Variants in ROBO1 observed in about 807,000 individuals in gnomAD.
ROBO1 encodes the protein roundabout homolog 1.
In ROBO1, 149 loss-of-function variants were observed where a neutral mutation model predicts 195.9. The ratio of observed to expected loss-of-function variants is 0.76; its 90% CI spans 0.67 to 0.87. ROBO1 has a LOEUF of 0.87. Ranked by LOEUF, ROBO1 falls within the 40% of genes least tolerant of loss-of-function variation. ROBO1 has a pLI of 0.00. For missense variants in ROBO1, 1,933 were observed against 2,068.3 expected (o/e 0.93, Z 1.27); for synonymous variants, 816 against 733.2 (o/e 1.11, Z -1.82).
chr3:79,178,536 T>C (rs2081292053), intron 2 of ROBO1, among the ~76,000 whole-genome samples: 1 of 152,130 alleles, frequency 6.6e-6, no homozygotes, highest in African/African-American at 2.4e-5. Context: ...AAACCCACAG[T>C]GTCACAGATG....
At chr3:79,497,993 C>T (rs61669313) in intron 2 of ROBO1, among the ~76,000 whole-genome samples, 46,622 of 151,636 alleles carry the variant, frequency 0.31, 7,326 homozygotes, top group Non-Finnish European at 0.35. Context: ...TTATTTGCTT[C>T]GAATTTTTGC....
chr3:79,554,500 G>C (rs1245618114), intron 2 of ROBO1, among the ~76,000 whole-genome samples: 1 of 152,092 alleles, frequency 6.6e-6, no homozygotes, highest in Non-Finnish European at 1.5e-5. Flanking sequence ...GAAATGTACA[G>C]TAGGTGATCT....
chr3:79,094,452 C>T (rs974713088), intron 3 of ROBO1, among the ~76,000 whole-genome samples: 7 of 152,044 alleles, frequency 4.6e-5, no homozygotes, highest in African/African-American at 7.2e-5. Context: ...GATATGCAAA[C>T]AGAAAAGGAC....
chr3:79,691,086 G>A (rs866748641), intron 1 of ROBO1, among the ~76,000 whole-genome samples: 1 of 151,872 alleles, frequency 6.6e-6, no homozygotes, highest in Non-Finnish European at 1.5e-5. Flanking sequence ...ATCAAGTGCA[G>A]GATATAAACC....
chr3:78,665,831 A>T, intron 14 of ROBO1, among the ~76,000 whole-genome samples: 1 of 152,124 alleles, frequency 6.6e-6, no homozygotes, highest in East Asian at 1.9e-4. Context: ...TAAAAAAAAA[A>T]AGTCTTTGAT....
At chr3:78,789,313 T>C (rs1343522792) in intron 4 of ROBO1, among the ~76,000 whole-genome samples, 2 of 152,188 alleles carry the variant, frequency 1.3e-5, no homozygotes, top group Admixed American at 6.5e-5. Flanking sequence ...AAAGCATTAA[T>C]GTGGACCCGA....
chr3:78,906,419 A>G (rs1041414385), intron 4 of ROBO1, among the ~76,000 whole-genome samples: 1 of 152,120 alleles, frequency 6.6e-6, no homozygotes, highest in African/African-American at 2.4e-5. Flanking sequence ...TTTATGATGC[A>G]GCTTCTCTCC....
At chr3:79,475,402 T>C (rs1408407652) in intron 2 of ROBO1, among the ~76,000 whole-genome samples, 2 of 152,004 alleles carry the variant, frequency 1.3e-5, no homozygotes, top group Non-Finnish European at 2.9e-5. Flanking sequence ...GAATACTTTG[T>C]TTATTAAAGG....
chr3:79,187,538 C>T (rs2081462630), intron 2 of ROBO1, among the ~76,000 whole-genome samples: 1 of 151,992 alleles, frequency 6.6e-6, no homozygotes, highest in African/African-American at 2.4e-5. Context: ...TTGTCCAACA[C>T]TGAATAATTC....
At chr3:79,241,634 A>T (rs1576862369) in intron 2 of ROBO1, among the ~76,000 whole-genome samples, 1 of 151,416 alleles carries the variant, frequency 6.6e-6, no homozygotes, top group East Asian at 1.9e-4. Flanking sequence ...AACTCATCTT[A>T]CATAATAGAT....
chr3:78,969,544 T>A (rs554183139), intron 3 of ROBO1, among the ~76,000 whole-genome samples: 1 of 152,174 alleles, frequency 6.6e-6, no homozygotes, highest in Admixed American at 6.5e-5. Context: ...CTTAGTAGAA[T>A]CAAATAAATC....
chr3:78,869,444 T>G (rs2035407858), intron 4 of ROBO1, among the ~76,000 whole-genome samples: 1 of 152,092 alleles, frequency 6.6e-6, no homozygotes, highest in African/African-American at 2.4e-5. Context: ...CTCATCAACA[T>G]TTGGTCATTC....
intron 18 of ROBO1, among the ~76,000 whole-genome samples, chr3:78,654,884 T>A (rs1575850430): frequency 6.6e-6 from 1 of 152,098 alleles, no homozygotes; most frequent in Non-Finnish European, 1.5e-5. Context: ...ATATATAGAG[T>A]CATCACAGTG....
intron 3 of ROBO1, among the ~76,000 whole-genome samples, chr3:78,942,599 G>T (rs1410383639): frequency 6.6e-6 from 1 of 152,174 alleles, no homozygotes; most frequent in Non-Finnish European, 1.5e-5. Flanking sequence ...TATGAGACAT[G>T]AAGAATTTGG....
intron 2 of ROBO1, among the ~76,000 whole-genome samples, chr3:79,460,355 C>G (rs916563498): frequency 6.6e-6 from 1 of 152,174 alleles, no homozygotes; most frequent in African/African-American, 2.4e-5. Context: ...TATTACCTAT[C>G]TAACACACTT....
intron 1 of ROBO1, among the ~76,000 whole-genome samples, chr3:79,746,505 T>C (rs568389958): frequency 2.0e-5 from 3 of 152,184 alleles, no homozygotes; most frequent in South Asian, 4.1e-4. Flanking sequence ...AAGAGGTATT[T>C]TCAAAACAAA....
chr3:79,304,500 T>C (rs1314898867), intron 2 of ROBO1, among the ~76,000 whole-genome samples: 2 of 152,178 alleles, frequency 1.3e-5, no homozygotes, highest in African/African-American at 4.8e-5. Flanking sequence ...CTTATGCCCC[T>C]TGGTATTTAT....
At chr3:78,676,580 G>A (rs1385154239) in intron 10 of ROBO1, among the ~76,000 whole-genome samples, 1 of 152,082 alleles carries the variant, frequency 6.6e-6, no homozygotes, top group Non-Finnish European at 1.5e-5. Flanking sequence ...TATCAGTGAT[G>A]GAAGATGAAA....
intron 1 of ROBO1, among the ~76,000 whole-genome samples, chr3:79,687,777 G>A (rs1241279781): frequency 2.0e-5 from 3 of 152,152 alleles, no homozygotes; most frequent in African/African-American, 2.4e-5. Context: ...TGGTGGGACC[G>A]TAAACTAGTT....
Sources: gnomAD v4.1 joint callset for allele counts (sites outside exome capture counted in the v4.1 genomes callset) on GRCh38, gnomAD v4.1.1 for gene constraint, MANE v1.5 for transcripts, NCBI Gene and HGNC (gene_info 2026-07-23, HGNC 2026-07-21) for gene names.